CFAP144: variants seen among roughly 807,000 people sequenced by gnomAD.
The protein encoded by CFAP144 is cilia- and flagella-associated protein 144.
At chr1:43,145,125 A>C in the CFAP144 span, 1 of 702,782 alleles carries the variant, frequency 1.4e-6, no homozygotes, top group South Asian at 1.7e-5. Flanking sequence ...TTTTTTTGAC[A>C]GTTTGCTCCT....
the CFAP144 span, among the ~76,000 whole-genome samples, chr1:43,150,993 GT>G: frequency 6.6e-6 from 1 of 152,124 alleles, no homozygotes; most frequent in Non-Finnish European, 1.5e-5. Flanking sequence ...CAGACAGTCT[GT>G]GGTAGATAGA....
the CFAP144 span, among the ~76,000 whole-genome samples, chr1:43,143,894 G>C: frequency 6.6e-6 from 1 of 152,132 alleles, no homozygotes. Flanking sequence ...TTTGGCCCAA[G>C]TTCTAGTCCC....
chr1:43,146,906 C>T, the CFAP144 span, among the ~76,000 whole-genome samples: 5 of 152,252 alleles, frequency 3.3e-5, no homozygotes, highest in East Asian at 3.9e-4. Context: ...AGTGCAGTGG[C>T]GCAATCTTGG....
At chr1:43,156,149 C>T in the CFAP144 span, 1 of 1,504,068 alleles carries the variant, frequency 6.6e-7, no homozygotes. Flanking sequence ...TGACTCCAAA[C>T]CCAGGTCCTC....
chr1:43,143,140 G>T, the CFAP144 span, among the ~76,000 whole-genome samples: 1 of 152,108 alleles, frequency 6.6e-6, no homozygotes, highest in Admixed American at 6.5e-5. Flanking sequence ...AGGAGCAAGA[G>T]ATTTTTAGTA....
the CFAP144 span, among the ~76,000 whole-genome samples, chr1:43,145,554 C>T: frequency 6.6e-6 from 1 of 152,176 alleles, no homozygotes; most frequent in South Asian, 2.1e-4. Flanking sequence ...GAGCCTCTTG[C>T]TCAGGCAGCA....
chr1:43,152,348 C>A, the CFAP144 span, among the ~76,000 whole-genome samples: 1 of 152,192 alleles, frequency 6.6e-6, no homozygotes, highest in Non-Finnish European at 1.5e-5. Flanking sequence ...GACCTTTGCT[C>A]TTGCTGCCTG....
chr1:43,145,390 C>A, the CFAP144 span: 1 of 983,630 alleles, frequency 1.0e-6, no homozygotes, highest in Non-Finnish European at 1.6e-6. Context: ...TAGATGGGGA[C>A]TTAGGTTTGT....
chr1:43,146,759 G>A, the CFAP144 span, among the ~76,000 whole-genome samples: 1 of 152,250 alleles, frequency 6.6e-6, no homozygotes, highest in Non-Finnish European at 1.5e-5. Context: ...ATGAAGTACT[G>A]AGTGGGGAAG....
At chr1:43,147,792 G>A in the CFAP144 span, 5 of 1,484,932 alleles carry the variant, frequency 3.4e-6, no homozygotes, top group South Asian at 5.4e-5. Context: ...GATGCAGGCA[G>A]GGTAAGGGGC....
At chr1:43,151,498 A>G in the CFAP144 span, among the ~76,000 whole-genome samples, 1 of 152,202 alleles carries the variant, frequency 6.6e-6, no homozygotes, top group Non-Finnish European at 1.5e-5. Context: ...GAGTTCTGGG[A>G]AGACCTCTTG....
chr1:43,154,056 G>A, the CFAP144 span, among the ~76,000 whole-genome samples: 2 of 65,074 alleles, frequency 3.1e-5, no homozygotes, highest in East Asian at 3.1e-4. Flanking sequence ...CTTTATATAT[G>A]TGTGTGTATA....
the CFAP144 span, among the ~76,000 whole-genome samples, chr1:43,144,153 C>T: frequency 1.3e-5 from 2 of 152,160 alleles, no homozygotes; most frequent in Admixed American, 6.5e-5. Context: ...GCCCTTTGGT[C>T]GATCTTTGCC....
the CFAP144 span, among the ~76,000 whole-genome samples, chr1:43,155,176 G>A: frequency 6.6e-6 from 1 of 152,234 alleles, no homozygotes; most frequent in African/African-American, 2.4e-5. Flanking sequence ...GAGAAGAAAG[G>A]TTGTGAAGGA....
chr1:43,146,671 G>C, the CFAP144 span, among the ~76,000 whole-genome samples: 10 of 152,060 alleles, frequency 6.6e-5, no homozygotes, highest in Non-Finnish European at 1.2e-4. Flanking sequence ...TAAAAATTTT[G>C]TTCAACACTG....
chr1:43,150,968 A>G, the CFAP144 span: 3 of 639,964 alleles, frequency 4.7e-6, no homozygotes, highest in East Asian at 8.3e-5. Context: ...ACCAAGCTCA[A>G]AAAAGACGGA....
the CFAP144 span, among the ~76,000 whole-genome samples, chr1:43,144,330 C>T: frequency 2.0e-5 from 3 of 152,136 alleles, no homozygotes; most frequent in Admixed American, 2.0e-4. Context: ...ATGTACATTT[C>T]ATAATGGGCA....
the CFAP144 span, among the ~76,000 whole-genome samples, chr1:43,148,841 A>G: frequency 6.6e-6 from 1 of 152,046 alleles, no homozygotes; most frequent in Non-Finnish European, 1.5e-5. Context: ...CCACACACTT[A>G]AAAAAAGGCA....
At chr1:43,143,698 C>T in the CFAP144 span, among the ~76,000 whole-genome samples, 4 of 152,166 alleles carry the variant, frequency 2.6e-5, no homozygotes, top group Non-Finnish European at 4.4e-5. Flanking sequence ...CTCAGCCCTA[C>T]GTTTATGGTT....
Sources: allele counts gnomAD v4.1 joint callset (sites outside exome capture counted in the v4.1 genomes callset), GRCh38; gene constraint gnomAD v4.1.1; transcripts MANE v1.5; gene names NCBI Gene and HGNC (gene_info 2026-07-23, HGNC 2026-07-21).